Variants in FAT3 observed in about 807,000 individuals in gnomAD.
The protein encoded by FAT3 is FAT atypical cadherin 3, also known as protocadherin Fat 3.
FAT3 carries 95 observed loss-of-function variants against 310.2 expected under a neutral mutation model. The ratio of observed to expected loss-of-function variants is 0.31; its 90% CI spans 0.26 to 0.36. The LOEUF is 0.36. FAT3 is among the 10% of genes least tolerant of loss of function. The pLI, the probability that FAT3 is intolerant of heterozygous loss-of-function variation, is 1.00. For synonymous variants in FAT3, 2,314 were observed against 2,192.9 expected, an observed-to-expected ratio of 1.06 and a Z score of -1.54; for missense variants, 5,408 against 5,715.6, an observed-to-expected ratio of 0.95 and a Z score of 1.74.
intron 2 of FAT3, among the ~76,000 whole-genome samples, chr11:92,473,739 C>A (rs1009230243): frequency 6.6e-5 from 10 of 152,176 alleles, no homozygotes; most frequent in Non-Finnish European, 1.2e-4. Context: ...GGTCAGCAAA[C>A]CCTCTCACAG....
At chr11:92,634,859 G>T (rs909636317) in intron 3 of FAT3, among the ~76,000 whole-genome samples, 3 of 152,010 alleles carry the variant, frequency 2.0e-5, no homozygotes. Context: ...GTTTAGTGAG[G>T]TCATAAAAAT....
intron 2 of FAT3, among the ~76,000 whole-genome samples, chr11:92,495,030 A>G (rs1182283996): frequency 6.6e-6 from 1 of 152,078 alleles, no homozygotes. Context: ...CTGATTTGCA[A>G]TAGAAAGAAA....
chr11:92,548,220 G>A (rs11019990), intron 3 of FAT3, among the ~76,000 whole-genome samples: 1,669 of 152,234 alleles, frequency 0.011, 33 homozygotes, highest in East Asian at 0.094. Flanking sequence ...GCTTCCCTAA[G>A]CCTTGTTGTG....
At chr11:92,307,374 T>G (rs573271679) in intron 1 of FAT3, among the ~76,000 whole-genome samples, 1 of 152,320 alleles carries the variant, frequency 6.6e-6, no homozygotes, top group South Asian at 2.1e-4. Flanking sequence ...TAGGCAGACA[T>G]GCAATCAAAT....
At chr11:92,768,452 C>T (rs148910760) in intron 6 of FAT3, among the ~76,000 whole-genome samples, 1 of 152,320 alleles carries the variant, frequency 6.6e-6, no homozygotes, top group Non-Finnish European at 1.5e-5. Context: ...TCCACCAAAT[C>T]CTCCTTTTGA....
At chr11:92,679,840 T>G (rs1345273061) in intron 3 of FAT3, among the ~76,000 whole-genome samples, 1 of 24,464 alleles carries the variant, frequency 4.1e-5, no homozygotes, top group Non-Finnish European at 7.0e-5. Flanking sequence ...AGACTCCATC[T>G]CAAAAAAAAA....
At chr11:92,458,816 C>T (rs1951566275) in intron 2 of FAT3, among the ~76,000 whole-genome samples, 1 of 152,168 alleles carries the variant, frequency 6.6e-6, no homozygotes, top group Admixed American at 6.6e-5. Flanking sequence ...GGGACCAGTC[C>T]TACAAACACC....
In FAT3 at chr11:92,762,033, A is replaced by G. The variant is rs2136085132; in HGVS notation, c.3847A>G (p.Arg1283Gly). Residue 1283 changes from arginine to glycine, a missense_variant, in exon 5 of 28, where the codon AGA (arginine) becomes GGA (glycine). Arg to Gly is a moderately radical substitution (Grantham distance 125, BLOSUM62 -2). This residue lies in a region of FAT3 where 4,588 missense variants were observed against 4,809.8 expected (regional missense o/e 0.95). Coordinates refer to ENST00000525166, the MANE Select transcript of FAT3 (RefSeq NM_001367949.2). ...GATTTACAGGGCTTTTGCATTTGATAGAGATGAGGGCCCCAACGCAGAAAT... is the reference window on the plus strand; with the variant it reads ...GATTTACAGGGCTTTTGCATTTGATGGAGATGAGGGCCCCAACGCAGAAAT... The part of the protein sequence containing the change: ...EPIYRAFAFD[R>G]DEGPNAEISY... 2 of 1,613,992 alleles carry G rather than the reference A, an allele frequency of 1.2e-6. No individual in the cohort carries two copies. The highest frequency in any genetic ancestry group is 1.7e-6 in the Non-Finnish European group (2 of 1,179,888).
intron 1 of FAT3, among the ~76,000 whole-genome samples, chr11:92,259,729 A>G (rs973508172): frequency 6.6e-6 from 1 of 152,098 alleles, no homozygotes; most frequent in Non-Finnish European, 1.5e-5. Context: ...AGTTACTTGA[A>G]ATGTTATTGA....
chr11:92,765,145 C>T, intron 6 of FAT3, 56 bp downstream of exon 6: 2 of 979,890 alleles, frequency 2.0e-6, no homozygotes, highest in African/African-American at 2.3e-5. Context: ...ACTGAAGCAA[C>T]TAGGAAAAAA....
intron 6 of FAT3, among the ~76,000 whole-genome samples, chr11:92,765,987 C>A (rs575740780): frequency 6.6e-6 from 1 of 152,210 alleles, no homozygotes; most frequent in South Asian, 2.1e-4. Context: ...GGAGAGTCCC[C>A]TGGCTGTCGT....
At chr11:92,568,521 A>G (rs930672046) in intron 3 of FAT3, among the ~76,000 whole-genome samples, 1 of 152,104 alleles carries the variant, frequency 6.6e-6, no homozygotes, top group African/African-American at 2.4e-5. Context: ...TTCCTCTTAG[A>G]CCCTAGTACA....
chr11:92,650,667 G>A lies in FAT3; in HGVS notation c.3608-46717G>A, dbSNP rs755349478. ...GTGAAGTCATTGAACATGGAATTGA[G>A]GAAGATGAAAGCACAGTTGGTTGTC... On this transcript the variant is annotated intron_variant, in intron 3 of 27. Transcript: ENST00000525166. Among the ~76,000 whole-genome samples the A allele has an allele frequency of 4.7e-4, 72 of 152,262 alleles. 1 individual carries two copies. Among genetic ancestry groups the A allele is most frequent in the Non-Finnish European group, 8.7e-4 (59 of 68,022 alleles).
intron 2 of FAT3, among the ~76,000 whole-genome samples, chr11:92,372,432 T>A (rs1363239465): frequency 1.3e-5 from 2 of 151,700 alleles, no homozygotes; most frequent in Non-Finnish European, 2.9e-5. Flanking sequence ...AAAGATTTTT[T>A]AAATCAAAAA....
chr11:92,242,037 G>A (rs1325181576), intron 1 of FAT3, among the ~76,000 whole-genome samples: 1 of 151,848 alleles, frequency 6.6e-6, no homozygotes, highest in Non-Finnish European at 1.5e-5. Context: ...GAACCAGAAA[G>A]AAGGACATTC....
chr11:92,556,109 T>C (rs1268874858), intron 3 of FAT3, among the ~76,000 whole-genome samples: 2 of 152,222 alleles, frequency 1.3e-5, no homozygotes, highest in Non-Finnish European at 2.9e-5. Flanking sequence ...TGATGATTGT[T>C]TTATGAGTTT....
intron 19 of FAT3, among the ~76,000 whole-genome samples, chr11:92,847,910 TC>T (rs1407217310): frequency 2.0e-5 from 3 of 146,836 alleles, no homozygotes; most frequent in African/African-American, 8.2e-5. Flanking sequence ...TAAATGCCCC[TC>T]CCCCCAAACA....
intron 22 of FAT3, among the ~76,000 whole-genome samples, chr11:92,868,060 G>C (rs774730689): frequency 1.3e-5 from 2 of 152,142 alleles, no homozygotes; most frequent in Non-Finnish European, 2.9e-5. Flanking sequence ...ACATGCTCCC[G>C]GTTGAAGGCT....
At chr11:92,714,642 T>C (rs1481306634) in intron 4 of FAT3, among the ~76,000 whole-genome samples, 1 of 152,220 alleles carries the variant, frequency 6.6e-6, no homozygotes, top group African/African-American at 2.4e-5. Context: ...ATACAGTTTG[T>C]CCCTCAACCT....
Sources: gnomAD v4.1 joint callset for allele counts (sites outside exome capture counted in the v4.1 genomes callset) on GRCh38, gnomAD v4.1.1 for gene constraint, gnomAD v4.1.1 regional missense constraint, MANE v1.5 for transcripts, NCBI Gene and HGNC (gene_info 2026-07-23, HGNC 2026-07-21) for gene names.